Variants in SRPRB observed in about 807,000 individuals in gnomAD.
SRPRB encodes the protein SRP receptor subunit beta.
SRPRB carries 20 observed loss-of-function variants against 31.9 expected under a neutral mutation model. That is an observed-to-expected ratio of 0.63 (90% CI 0.44 to 0.91). SRPRB has a LOEUF of 0.91. Among genes scored for constraint, SRPRB ranks in the 40% least tolerant of loss-of-function variants. SRPRB has a pLI of 0.00. For synonymous variants in SRPRB, 146 were observed against 132.8 expected, an observed-to-expected ratio of 1.10 and a Z score of -0.68; for missense variants, 321 against 324.9, an observed-to-expected ratio of 0.99 and a Z score of 0.09.
In SRPRB at chr3:133,820,636, T is replaced by G. The variant is rs941868077; in HGVS notation, c.*870T>G. Reference sequence around the variant, plus strand: ...AAAAGTTCTCTGTAGATTTCTGAAGTGCATATTCATTGATGCCAAGAAAAA... The same window carrying G: ...AAAAGTTCTCTGTAGATTTCTGAAGGGCATATTCATTGATGCCAAGAAAAA... On this transcript the variant is annotated 3_prime_UTR_variant, in exon 7 of 7. Transcript: ENST00000678299. 1 of 151,636 alleles carries G rather than the reference T, an allele frequency of 6.6e-6. No individual in the cohort carries two copies. The highest frequency in any genetic ancestry group is 1.5e-5 in the Non-Finnish European group (1 of 67,968). The allele number at this position is 151,636 out of a possible 1,614,324, so 9.4% of individuals were successfully genotyped here.
At chr3:133,817,052 G>A in intron 6 of SRPRB, 120 bp downstream of exon 6, 1 of 681,808 alleles carries the variant, frequency 1.5e-6, no homozygotes, top group Non-Finnish European at 2.3e-6. Flanking sequence ...CTGAAGATTA[G>A]TGTGATAAAT....
upstream of SRPRB, among the ~76,000 whole-genome samples, chr3:133,801,581 A>C (rs967240109): frequency 1.3e-5 from 2 of 152,176 alleles, no homozygotes; most frequent in East Asian, 3.8e-4. Context: ...AAATATCCTC[A>C]GCGAGTTAAG....
At chr3:133,811,748 A>G (rs1000470716) in intron 4 of SRPRB, among the ~76,000 whole-genome samples, 1 of 151,802 alleles carries the variant, frequency 6.6e-6, no homozygotes, top group Non-Finnish European at 1.5e-5. Flanking sequence ...ACACCCTGCT[A>G]ATTTTTCATA....
At chr3:133,807,296 C>T (rs2107968700) in intron 2 of SRPRB, among the ~76,000 whole-genome samples, 1 of 145,728 alleles carries the variant, frequency 6.9e-6, no homozygotes, top group African/African-American at 2.6e-5. Flanking sequence ...CTCCAATGCC[C>T]AGGCTGGAGT....
At chr3:133,828,106 T>C (rs1012593718), downstream of SRPRB, 19 of 638,322 alleles carry the variant, frequency 3.0e-5, no homozygotes, top group African/African-American at 5.4e-5. Flanking sequence ...GTGGGAGCAG[T>C]TCCTCTGGGG....
Position 133,819,609 on chromosome 3 carries a change from C to G in SRPRB, c.659C>G (p.Thr220Ser). The G allele has an allele frequency of 6.2e-7, 1 of 1,614,218 alleles. No homozygotes were observed. The change falls in exon 7 of 7, where the codon ACT becomes AGT. Residue 220 changes from threonine (T) to serine (S), a missense_variant. Coordinates refer to ENST00000678299, the MANE Select transcript of SRPRB (RefSeq NM_001379313.1). Reference sequence around the variant, plus strand: ...CCCAGCACACTGGACAGTTCCAGCACTGCCCCTGCTCAGCTGGGGAAGAAA... The same window carrying G: ...CCCAGCACACTGGACAGTTCCAGCAGTGCCCCTGCTCAGCTGGGGAAGAAA... ...AAPSTLDSSSTAPAQLGKKGK... is the reference protein window; with the variant it reads ...AAPSTLDSSSSAPAQLGKKGK...
chr3:133,794,353 C>T (rs1181650211), intron 1 of SRPRB: 1 of 152,198 alleles, frequency 6.6e-6, no homozygotes, highest in African/African-American at 2.4e-5. Flanking sequence ...TCAGGTACAT[C>T]CAGTCACCTG....
intron 1 of SRPRB, chr3:133,786,780 T>A (rs1453191205): frequency 1.3e-5 from 2 of 152,254 alleles, no homozygotes; most frequent in Non-Finnish European, 2.9e-5. Context: ...TGTTTTTACA[T>A]GTGTTCACTT....
At chr3:133,797,632 T>G (rs1327462644) in intron 1 of SRPRB, among the ~76,000 whole-genome samples, 2 of 152,170 alleles carry the variant, frequency 1.3e-5, no homozygotes, top group Non-Finnish European at 2.9e-5. Context: ...TCATCAGGTG[T>G]CGGCAGGTGG....
upstream of SRPRB, among the ~76,000 whole-genome samples, chr3:133,803,028 C>G (rs1198772254): frequency 6.6e-6 from 1 of 152,196 alleles, no homozygotes; most frequent in Non-Finnish European, 1.5e-5. Flanking sequence ...TCCAACTAAT[C>G]ACATCCTACG....
In SRPRB at chr3:133,805,827, C is replaced by G. The variant is rs1302427326; in HGVS notation, c.-22C>G. On this transcript the variant is annotated 5_prime_UTR_variant, in exon 1 of 7. Transcript: ENST00000678299. Reference sequence around the variant, plus strand: ...GCAGGGCCACGTCGCTTTTGCTGTACCGGGGACCACGCGTCTCATCCATGG... The same window carrying G: ...GCAGGGCCACGTCGCTTTTGCTGTAGCGGGGACCACGCGTCTCATCCATGG... The G allele has an allele frequency of 1.3e-6, 2 of 1,596,140 alleles. No individual in the cohort carries two copies. Among genetic ancestry groups the G allele is most frequent in the Admixed American group, 1.7e-5 (1 of 58,278 alleles).
Position 133,805,927 on chromosome 3 carries a change from C to T in SRPRB, c.79C>T (p.Arg27Trp), listed in dbSNP as rs759421700. ...GTFQPYLDTL[R>W]QELQQTDPTL... ...CTTCCAGCCCTACCTAGACACCTTG[C>T]GGCAGGAGCTGCAGCAGACGGACCC... Residue 27 changes from arginine to tryptophan, a missense_variant, in exon 1 of 7, where the codon CGG becomes TGG. Physicochemically the swap from Arg to Trp is moderately radical, Grantham distance 101. Transcript: ENST00000678299. 2 of 1,613,932 alleles carry T rather than the reference C, an allele frequency of 1.2e-6. No homozygotes were observed. The highest frequency in any genetic ancestry group is 1.7e-6 in the Non-Finnish European group (2 of 1,179,928).
downstream of SRPRB, chr3:133,826,883 T>G (rs559567209): frequency 6.5e-6 from 1 of 152,812 alleles, no homozygotes; most frequent in African/African-American, 2.4e-5. Context: ...ATTGAGCACA[T>G]GTATCTCCGT....
upstream of SRPRB, among the ~76,000 whole-genome samples, chr3:133,804,429 G>C (rs1184729137): frequency 6.6e-6 from 1 of 152,172 alleles, no homozygotes; most frequent in African/African-American, 2.4e-5. Flanking sequence ...TGCATATTCA[G>C]GGGGGTGTAA....
intron 3 of SRPRB, among the ~76,000 whole-genome samples, chr3:133,808,128 T>A (rs1258659236): frequency 6.6e-6 from 1 of 152,226 alleles, no homozygotes; most frequent in Admixed American, 6.5e-5. Context: ...TTAAACCTTT[T>A]AAGTTTTGAA....
intron 6 of SRPRB, among the ~76,000 whole-genome samples, chr3:133,818,705 C>T (rs897897047): frequency 5.3e-5 from 8 of 151,958 alleles, no homozygotes; most frequent in African/African-American, 1.5e-4. Flanking sequence ...GCCTAGAAGG[C>T]CCCTGTTTCT....
chr3:133,789,850 C>T (rs1934783301), intron 1 of SRPRB: 1 of 145,282 alleles, frequency 6.9e-6, no homozygotes, highest in Non-Finnish European at 1.5e-5. Flanking sequence ...AAACTATAAA[C>T]CCAGCCAAAA....
chr3:133,793,752 T>G lies in SRPRB; in HGVS notation c.-174+9608T>G, dbSNP rs183029751. Reference sequence around the variant, plus strand: ...GCAGTTTCTGAAAACTTCACAAGCATGCAAAGTCCTAGAATATGGTGTCTT... The same window carrying G: ...GCAGTTTCTGAAAACTTCACAAGCAGGCAAAGTCCTAGAATATGGTGTCTT... On this transcript the variant is annotated intron_variant, in intron 1 of 7. Coordinates refer to the SRPRB transcript ENST00000466490. 3.9e-5 allele frequency: 6 copies of G among 152,258 alleles called. No homozygotes were observed. In the East Asian group the frequency reaches 1.2e-3, roughly 29 times the overall value. The allele number at this position is 152,258 out of a possible 1,614,324, so 9.4% of individuals were successfully genotyped here.
At chr3:133,804,585 GTA>G (rs1262765072), upstream of SRPRB, among the ~76,000 whole-genome samples, 1 of 152,258 alleles carries the variant, frequency 6.6e-6, no homozygotes, top group Middle Eastern at 3.4e-3. Flanking sequence ...CCTAACAGAT[GTA>G]TTTTTTTGTG....
Sources: gnomAD v4.1 joint callset for allele counts (sites outside exome capture counted in the v4.1 genomes callset) on GRCh38, gnomAD v4.1.1 for gene constraint, MANE v1.5 for transcripts, NCBI Gene and HGNC (gene_info 2026-07-23, HGNC 2026-07-21) for gene names.